Variants in APP observed in about 807,000 individuals in gnomAD.
The protein encoded by APP is amyloid beta precursor protein, also known as amyloid-beta precursor protein.
Under a neutral mutation model 101.4 loss-of-function variants are expected in APP, and 31 were observed. That is an observed-to-expected ratio of 0.31 (90% CI 0.23 to 0.41). APP has a LOEUF of 0.41. Among genes scored for constraint, APP ranks in the 10% least tolerant of loss-of-function variants. The pLI, the probability that APP is intolerant of heterozygous loss-of-function variation, is 1.00. For missense variants in APP, 839 were observed against 1,003.7 expected (o/e 0.84, Z 2.22); for synonymous variants, 366 against 364.4 (o/e 1.00, Z -0.05).
At chr21:26,163,822 T>G (rs1169570177) in intron 1 of APP, among the ~76,000 whole-genome samples, 1 of 152,216 alleles carries the variant, frequency 6.6e-6, no homozygotes, top group African/African-American at 2.4e-5. Flanking sequence ...GGCCTGCTTT[T>G]GAAGCTAAAA....
intron 8 of APP, among the ~76,000 whole-genome samples, chr21:25,992,688 C>T (rs2042914725): frequency 6.6e-6 from 1 of 152,120 alleles, no homozygotes; most frequent in Non-Finnish European, 1.5e-5. Flanking sequence ...TTTCCAGATA[C>T]CAAAGATTTA....
intron 13 of APP, among the ~76,000 whole-genome samples, chr21:25,950,473 C>T (rs1298154174): frequency 1.3e-5 from 2 of 148,502 alleles, no homozygotes; most frequent in African/African-American, 2.5e-5. Flanking sequence ...CTCTGCCTCC[C>T]GAGTTCAAGT....
intron 15 of APP, among the ~76,000 whole-genome samples, chr21:25,903,776 C>A (rs1041851205): frequency 6.6e-6 from 1 of 152,240 alleles, no homozygotes; most frequent in African/African-American, 2.4e-5. Context: ...CTCTGACTCA[C>A]TATAATTTAA....
At chr21:26,160,778 A>C (rs1199746760) in intron 1 of APP, among the ~76,000 whole-genome samples, 1 of 152,206 alleles carries the variant, frequency 6.6e-6, no homozygotes, top group Non-Finnish European at 1.5e-5. Flanking sequence ...AATTATGTCT[A>C]GGCACCCTCT....
intron 8 of APP, among the ~76,000 whole-genome samples, chr21:25,991,316 AAAAAAT>A (rs1268452067): frequency 1.3e-5 from 2 of 152,216 alleles, no homozygotes; most frequent in Non-Finnish European, 2.9e-5. Context: ...GCTATTGGAA[AAAAAAT>A]AAAAATAAAA....
chr21:26,165,845 T>C (rs909081178), intron 1 of APP, among the ~76,000 whole-genome samples: 10 of 152,218 alleles, frequency 6.6e-5, no homozygotes, highest in African/African-American at 2.2e-4. Context: ...CCTCTCTGAA[T>C]ACTCAGCTAG....
At chr21:26,127,039 C>T (rs1208158912) in intron 1 of APP, among the ~76,000 whole-genome samples, 2 of 151,564 alleles carry the variant, frequency 1.3e-5, no homozygotes, top group South Asian at 2.1e-4. Context: ...TAACATTAAG[C>T]AAGATAACCC....
chr21:26,057,512 G>T (rs2046092174), intron 3 of APP, among the ~76,000 whole-genome samples: 1 of 151,382 alleles, frequency 6.6e-6, no homozygotes, highest in African/African-American at 2.4e-5. Context: ...CAACTGAAAG[G>T]GTGTTTTCAA....
chr21:25,928,778 A>AG (rs1319274327), intron 13 of APP: 1 of 148,948 alleles, frequency 6.7e-6, no homozygotes, highest in Admixed American at 6.7e-5. Flanking sequence ...AACTGGAGAC[A>AG]GAGTCTTGCT....
At chr21:26,085,920 T>C (rs1169547297) in intron 3 of APP, among the ~76,000 whole-genome samples, 1 of 152,236 alleles carries the variant, frequency 6.6e-6, no homozygotes, top group Admixed American at 6.5e-5. Context: ...AATTACAAAA[T>C]GAAACAGAAT....
intron 2 of APP, among the ~76,000 whole-genome samples, chr21:26,106,219 A>G (rs1339438077): frequency 6.6e-6 from 1 of 152,146 alleles, no homozygotes; most frequent in Non-Finnish European, 1.5e-5. Flanking sequence ...AAGCAGAAAC[A>G]AAAGAGACCC....
At chr21:26,063,783 A>C (rs568713850) in intron 3 of APP, among the ~76,000 whole-genome samples, 3 of 152,366 alleles carry the variant, frequency 2.0e-5, no homozygotes, top group Admixed American at 2.0e-4. Flanking sequence ...ATGAAGCATA[A>C]TTCTCTGCTC....
chr21:26,104,720 A>C (rs934447847), intron 2 of APP, among the ~76,000 whole-genome samples: 1 of 152,232 alleles, frequency 6.6e-6, no homozygotes, highest in Non-Finnish European at 1.5e-5. Context: ...AGAGTAGATA[A>C]TTCACAGTCA....
intron 17 of APP, among the ~76,000 whole-genome samples, chr21:25,887,416 G>A (rs1386576165): frequency 6.6e-6 from 1 of 150,514 alleles, no homozygotes; most frequent in Non-Finnish European, 1.5e-5. Flanking sequence ...CACCAATAAG[G>A]CACAGTTACC....
intron 5 of APP, among the ~76,000 whole-genome samples, chr21:26,035,970 A>C (rs1310634188): frequency 6.6e-6 from 1 of 152,072 alleles, no homozygotes; most frequent in Non-Finnish European, 1.5e-5. Flanking sequence ...CTTTGAGAGA[A>C]CCACATTGAG....
Position 25,905,079 on chromosome 21 carries a change from T to G in APP, c.1910-2A>C. 1 of 1,613,704 alleles carries G rather than the reference T, an allele frequency of 6.2e-7. No homozygotes were observed. Among genetic ancestry groups the G allele is most frequent in the South Asian group, 1.1e-5 (1 of 91,024 alleles). On this transcript the variant is annotated splice_acceptor_variant, in intron 14 of 17. Coordinates refer to ENST00000346798, the MANE Select transcript of APP (RefSeq NM_000484.4). LOFTEE classifies it high-confidence loss of function. ...CAGGGCGGGCATCAACAGGCTCAACTGGGCACAGGAAGCAAGGGACACAGA... is the reference window on the plus strand; with the variant it reads ...CAGGGCGGGCATCAACAGGCTCAACGGGGCACAGGAAGCAAGGGACACAGA...
intron 13 of APP, among the ~76,000 whole-genome samples, chr21:25,946,178 G>C (rs2040812562): frequency 6.6e-6 from 1 of 152,088 alleles, no homozygotes; most frequent in South Asian, 2.1e-4. Context: ...TGGTTTCCTA[G>C]ATACCATACC....
intron 17 of APP, among the ~76,000 whole-genome samples, chr21:25,887,354 G>A (rs947651721): frequency 9.2e-5 from 14 of 152,014 alleles, no homozygotes; most frequent in Non-Finnish European, 1.5e-5. Flanking sequence ...TGACATGGAG[G>A]GCACATTTGG....
intron 1 of APP, among the ~76,000 whole-genome samples, chr21:26,137,974 G>A (rs369965730): frequency 6.6e-6 from 1 of 152,122 alleles, no homozygotes; most frequent in East Asian, 1.9e-4. Context: ...GCAGTAAGAA[G>A]GGTATCATAG....
Sources: allele counts gnomAD v4.1 joint callset (sites outside exome capture counted in the v4.1 genomes callset), GRCh38; gene constraint gnomAD v4.1.1; transcripts MANE v1.5; gene names NCBI Gene and HGNC (gene_info 2026-07-23, HGNC 2026-07-21).